The following ADPRH variants were observed in gnomAD, a reference collection of about 807,000 sequenced individuals.
ADPRH encodes the protein ADP-ribosylarginine hydrolase.
In ADPRH, 27 loss-of-function variants were observed where a neutral mutation model predicts 28.8. That is an observed-to-expected ratio of 0.94 (90% CI 0.69 to 1.29). The LOEUF is 1.29. ADPRH is among the 50% of genes most tolerant of loss of function. The pLI, the probability that ADPRH is intolerant of heterozygous loss-of-function variation, is 0.00. For missense variants in ADPRH, 419 were observed against 444.8 expected, an observed-to-expected ratio of 0.94 and a Z score of 0.52; for synonymous variants, 161 against 166.9, an observed-to-expected ratio of 0.96 and a Z score of 0.27.
chr3:119,589,875 G>A lies in ADPRH; in HGVS notation c.*1997G>A, dbSNP rs981579432. 1.3e-5 allele frequency: 2 copies of A among 152,174 alleles called. No individual in the cohort carries two copies. The highest frequency in any genetic ancestry group is 6.5e-5 in the Admixed American group (1 of 15,270). The allele number at this position is 152,174 out of a possible 1,614,324, so 9.4% of individuals were successfully genotyped here. ...GAGAGAGAGAAGGGAGGATGAGAAC[G>A]AATGGGGGGAAGAGATAAACTTTAT... On this transcript the variant is annotated 3_prime_UTR_variant, in exon 5 of 5. Transcript: ENST00000357003.
At position 119,586,442 on chromosome 3, in the gene ADPRH, C is replaced by T; in HGVS notation, c.456C>T (p.Ile152=). ...FPHHSQLDTL[I]QVSIESGRMT... is the part of the protein sequence containing the mutation. ...ACCATAGCCAACTGGACACACTGAT[C>T]CAAGTGAGCATCGAGAGTGGTCGGA... The change falls in exon 4 of 5, where the codon ATC becomes ATT. Residue 152 remains isoleucine, a synonymous_variant. Coordinates refer to ENST00000357003, the MANE Select transcript of ADPRH (RefSeq NM_001125.4). The T allele has an allele frequency of 6.2e-7, 1 of 1,614,228 alleles. No individual in the cohort carries two copies. The highest frequency in any genetic ancestry group is 8.5e-7 in the Non-Finnish European group (1 of 1,180,048).
chr3:119,580,331 CTATACCTCCCCACTTCCCCCTCCAGTT>C (rs1467181078), intron 1 of ADPRH, 193 bp from the exon 2 acceptor site: 1 of 152,296 alleles, frequency 6.6e-6, no homozygotes, highest in Non-Finnish European at 1.5e-5. Flanking sequence ...TTCCGAGAGC[CTATACCTCCCCACTTCCCCCTCCAGTT>C]TACAGATGGG....
intron 3 of ADPRH, 89 bp from the exon 4 acceptor site, chr3:119,586,196 T>C: frequency 6.4e-7 from 1 of 1,561,898 alleles, no homozygotes; most frequent in Non-Finnish European, 8.7e-7. Context: ...CCATCAAAAA[T>C]ACTTGGAGAC....
intron 3 of ADPRH, among the ~76,000 whole-genome samples, chr3:119,585,573 G>A (rs9824664): frequency 2.6e-3 from 403 of 152,132 alleles, no homozygotes; most frequent in African/African-American, 9.3e-3. Context: ...GTTTTGAGAC[G>A]GAGTCTCGCT....
chr3:119,581,736 C>A (rs2082406137), intron 2 of ADPRH, among the ~76,000 whole-genome samples: 1 of 152,184 alleles, frequency 6.6e-6, no homozygotes, highest in Non-Finnish European at 1.5e-5. Flanking sequence ...AAGGCCAAAT[C>A]CCAGCTAAGA....
chr3:119,586,482 C>A lies in ADPRH; in HGVS notation c.496C>A (p.Pro166Thr). The A allele has an allele frequency of 1.2e-6, 2 of 1,614,252 alleles. No individual in the cohort carries two copies. Among genetic ancestry groups the A allele is most frequent in the Non-Finnish European group, 1.7e-6 (2 of 1,180,050 alleles). Residue 166 changes from proline to threonine, a missense_variant, in exon 4 of 5, where the codon CCA (proline) becomes ACA (threonine). Physicochemically the swap from Pro to Thr is conservative, Grantham distance 38. Transcript: ENST00000357003. ...GAGTGGTCGGATGACCCACCACCAC[C>A]CAACAGGCTACCTGGGGGCCCTTGC... ...IESGRMTHHH[P>T]TGYLGALASA... is the part of the protein sequence containing the mutation.
chr3:119,586,759 C>A, intron 4 of ADPRH, 114 bp downstream of exon 4: 1 of 1,441,286 alleles, frequency 6.9e-7, no homozygotes, highest in Non-Finnish European at 9.3e-7. Context: ...GGTTTTCACC[C>A]CCAGCCCCCT....
rs754615128 is a variant in ADPRH at position 119,587,501 on chromosome 3, CTT to C, written c.698_699del (p.Leu233GlnfsTer14). 6.3e-7 allele frequency: 1 copy of C among 1,579,018 alleles called. No homozygotes were observed. Among genetic ancestry groups the C allele is most frequent in the Non-Finnish European group, 8.6e-7 (1 of 1,161,782 alleles). ...FQTKWENYLKLRGILDGESAP... is the reference protein window; with the variant it reads ...FQTKWENYLKXRGILDGESAP... ...AACCAAATGGGAAAATTACCTAAAA[CTT>C]AGAGGGATTTTGGATGGAGAATCAG... On this transcript the variant is annotated frameshift_variant, in exon 5 of 5. Transcript: ENST00000357003. LOFTEE classifies it high-confidence loss of function.
rs149737016 is a variant in ADPRH at position 119,588,898 on chromosome 3, G to A, written c.*1020G>A. ...ATAGGCATTAATCAGTATCTATTGA[G>A]TGTTATGAACTAGCCTCCTAGCTCG... On this transcript the variant is annotated 3_prime_UTR_variant, in exon 5 of 5. Coordinates refer to ENST00000357003, the MANE Select transcript of ADPRH (RefSeq NM_001125.4). 4 of 152,372 alleles carry A rather than the reference G, an allele frequency of 2.6e-5. No homozygotes were observed. The East Asian group carries it at 7.7e-4, about 29-fold the overall frequency. The allele number at this position is 152,372 out of a possible 1,614,324, so 9.4% of individuals were successfully genotyped here. A position where few individuals can be genotyped will look rare whatever the true frequency, so the allele number is the denominator to read the frequency against.
chr3:119,586,796 G>A, intron 4 of ADPRH, 151 bp downstream of exon 4: 1 of 1,160,674 alleles, frequency 8.6e-7, no homozygotes, highest in Non-Finnish European at 1.2e-6. Context: ...AGGATTTCAA[G>A]TTCCCTTCCA....
At chr3:119,582,070 C>G in intron 2 of ADPRH, 64 bp from the exon 3 acceptor site, 1 of 1,234,588 alleles carries the variant, frequency 8.1e-7, no homozygotes, top group Non-Finnish European at 1.1e-6. Flanking sequence ...TAGCTAGAGT[C>G]GTTGTTTTTT....
intron 3 of ADPRH, among the ~76,000 whole-genome samples, chr3:119,582,912 T>C (rs571121688): frequency 8.5e-4 from 129 of 152,300 alleles, no homozygotes; most frequent in African/African-American, 2.8e-3. Flanking sequence ...GGGATCTAGA[T>C]TGTGGGCTTC....
At chr3:119,586,104 G>T (rs902596773) in intron 3 of ADPRH, among the ~76,000 whole-genome samples, 181 bp from the exon 4 acceptor site, 1 of 152,172 alleles carries the variant, frequency 6.6e-6, no homozygotes, top group African/African-American at 2.4e-5. Context: ...CTTGCCAAGG[G>T]TTATACATAA....
rs752569734 is a variant in ADPRH at position 119,582,218 on chromosome 3, C to T, written c.49C>T (p.Leu17=). 3.1e-6 allele frequency: 5 copies of T among 1,614,028 alleles called. No individual in the cohort carries two copies. The East Asian group carries it at 1.1e-4, about 36-fold the overall frequency. ...AMVLSAAGDA[L]GYYNGKWEFL... is the part of the protein sequence containing the mutation. ...GGTGCTGAGTGCAGCTGGAGATGCC[C>T]TGGGGTACTACAATGGGAAGTGGGA... Residue 17 remains leucine (L), a synonymous_variant, in exon 3 of 5, where the codon CTG becomes TTG. Coordinates refer to ENST00000357003, the MANE Select transcript of ADPRH (RefSeq NM_001125.4).
At chr3:119,582,536 T>A in intron 3 of ADPRH, 69 bp downstream of exon 3, 2 of 1,451,966 alleles carry the variant, frequency 1.4e-6, no homozygotes, top group Admixed American at 4.0e-5. Flanking sequence ...TCATTAAGAA[T>A]GTTGATGGAG....
At chr3:119,587,098 G>A (rs1253252168) in intron 4 of ADPRH, among the ~76,000 whole-genome samples, 3 of 152,192 alleles carry the variant, frequency 2.0e-5, no homozygotes, top group Non-Finnish European at 4.4e-5. Flanking sequence ...GTCTTTCTTA[G>A]AATAAAAAGA....
chr3:119,582,618 T>C (rs950312384), intron 3 of ADPRH, 151 bp downstream of exon 3: 23 of 975,028 alleles, frequency 2.4e-5, no homozygotes, highest in Non-Finnish European at 3.2e-5. Flanking sequence ...TGGTGGCTCA[T>C]ACCTGTAATT....
intron 3 of ADPRH, among the ~76,000 whole-genome samples, chr3:119,584,143 G>T (rs994548263): frequency 6.6e-6 from 1 of 152,040 alleles, no homozygotes; most frequent in Non-Finnish European, 1.5e-5. Context: ...TGAAGAACAT[G>T]TACAAAGATG....
intron 1 of ADPRH, chr3:119,580,336 C>T (rs116045211): frequency 0.018 from 2,808 of 152,380 alleles, 40 homozygotes; most frequent in Non-Finnish European, 0.03. Context: ...AGAGCCTATA[C>T]CTCCCCACTT....
Sources: allele counts gnomAD v4.1 joint callset (sites outside exome capture counted in the v4.1 genomes callset), GRCh38; gene constraint gnomAD v4.1.1; transcripts MANE v1.5; gene names NCBI Gene and HGNC (gene_info 2026-07-23, HGNC 2026-07-21).